Variants in DLC1 observed in about 807,000 individuals in gnomAD.
The protein encoded by DLC1 is rho GTPase-activating protein 7.
Under a neutral mutation model 140.3 loss-of-function variants are expected in DLC1, and 54 were observed. That is an observed-to-expected ratio of 0.38 (90% CI 0.31 to 0.48). The LOEUF (loss-of-function observed/expected upper bound fraction) is 0.48, where lower values mean the gene tolerates loss of function less well. Among genes scored for constraint, DLC1 ranks in the 20% least tolerant of loss-of-function variants. DLC1 has a pLI of 0.96. For missense variants in DLC1, 2,536 were observed against 1,907.0 expected (o/e 1.33, Z -6.14); for synonymous variants, 986 against 728.1 (o/e 1.35, Z -5.70).
At chr8:13,593,838 T>C (rs1383967397) in intron 1 of DLC1, among the ~76,000 whole-genome samples, 1 of 152,106 alleles carries the variant, frequency 6.6e-6, no homozygotes, top group East Asian at 1.9e-4. Context: ...GGGCAAAGAT[T>C]TCATCTATGT....
intron 4 of DLC1, among the ~76,000 whole-genome samples, chr8:13,333,208 A>G (rs1259395180): frequency 6.6e-6 from 1 of 152,140 alleles, no homozygotes; most frequent in African/African-American, 2.4e-5. Flanking sequence ...TGAGATACAG[A>G]ATAAAAATTG....
intron 2 of DLC1, among the ~76,000 whole-genome samples, chr8:13,402,531 T>G (rs12679138): frequency 1.3e-5 from 2 of 151,994 alleles, no homozygotes; most frequent in East Asian, 1.9e-4. Context: ...ACATGCAGTG[T>G]TGGCTCTTTT....
At chr8:13,393,132 C>T (rs1427004217) in intron 4 of DLC1, among the ~76,000 whole-genome samples, 1 of 152,108 alleles carries the variant, frequency 6.6e-6, no homozygotes. Context: ...ATCAGTCTAT[C>T]TGTCCATCCA....
In DLC1 at chr8:13,382,623, C is replaced by G. The variant is rs146342733; in HGVS notation, c.1314+10930G>C. ...AAAATAAAACTTTGTTTCTTCACAG[C>G]CTTTCTAGACAGCAAATGATACTAC... On this transcript the variant is annotated intron_variant, in intron 4 of 17. Coordinates refer to ENST00000276297, the MANE Select transcript of DLC1 (RefSeq NM_182643.3). Among the ~76,000 whole-genome samples the G allele has an allele frequency of 1.1e-3, 161 of 151,628 alleles. 1 individual carries two copies. Among genetic ancestry groups the G allele is most frequent in the Non-Finnish European group, 1.5e-3 (102 of 67,938 alleles).
At chr8:13,086,076 G>C (rs1817531781) in intron 17 of DLC1, 145 bp from the exon 18 acceptor site, 1 of 1,407,038 alleles carries the variant, frequency 7.1e-7, no homozygotes, top group Non-Finnish European at 9.4e-7. Context: ...TACCATATTT[G>C]CTTTGCTTTA....
chr8:13,315,487 A>G (rs1395994000), intron 4 of DLC1, among the ~76,000 whole-genome samples: 1 of 152,224 alleles, frequency 6.6e-6, no homozygotes, highest in Non-Finnish European at 1.5e-5. Context: ...ATCTATCTAT[A>G]AAATGTAAGA....
intron 10 of DLC1, among the ~76,000 whole-genome samples, chr8:13,098,101 C>A (rs1162423103): frequency 6.8e-6 from 1 of 146,862 alleles, no homozygotes; most frequent in East Asian, 2.1e-4. Context: ...CCCACCTACT[C>A]AGGAGTCCAG....
chr8:13,261,865 T>C (rs1192805289), intron 5 of DLC1, among the ~76,000 whole-genome samples: 2 of 152,232 alleles, frequency 1.3e-5, no homozygotes, highest in African/African-American at 2.4e-5. Flanking sequence ...TTTCAGCATT[T>C]GTAAAACAAG....
At chr8:13,579,194 C>G (rs975561025) in intron 1 of DLC1, among the ~76,000 whole-genome samples, 5 of 132,174 alleles carry the variant, frequency 3.8e-5, no homozygotes, top group Admixed American at 8.1e-5. Flanking sequence ...AAAGAGTCTC[C>G]TAGCACCGCC....
At chr8:13,404,047 GT>G (rs1331582225) in intron 2 of DLC1, among the ~76,000 whole-genome samples, 7 of 151,834 alleles carry the variant, frequency 4.6e-5, no homozygotes, top group Non-Finnish European at 1.0e-4. Context: ...ATTTTTTCTA[GT>G]TTTGGTCTTG....
At chr8:13,530,153 C>G (rs758829599) in intron 1 of DLC1, among the ~76,000 whole-genome samples, 1 of 152,036 alleles carries the variant, frequency 6.6e-6, no homozygotes, top group Non-Finnish European at 1.5e-5. Context: ...AGGCAAAAGT[C>G]AAAAATGAGG....
chr8:13,323,808 C>A (rs954473271), intron 4 of DLC1, among the ~76,000 whole-genome samples: 10 of 152,130 alleles, frequency 6.6e-5, no homozygotes, highest in Non-Finnish European at 1.3e-4. Context: ...ATAAAGGAGG[C>A]ATTTTGTTAA....
intron 5 of DLC1, among the ~76,000 whole-genome samples, chr8:13,137,322 G>C (rs1259954122): frequency 1.3e-5 from 2 of 152,144 alleles, no homozygotes; most frequent in African/African-American, 4.8e-5. Context: ...GGATTTTTTA[G>C]CTGAGCTGCA....
At position 13,132,128 on chromosome 8, in the gene DLC1, G is replaced by T. The variant is rs577874207; in HGVS notation, c.1349-16471C>A. On this transcript the variant is annotated intron_variant, in intron 5 of 17. Coordinates refer to ENST00000276297, the MANE Select transcript of DLC1 (RefSeq NM_182643.3). ...CTCGCTCCTCGGCCTCCTTGTCCGG[G>T]TCAAGGGGGTGGGCATCCCCAAGGG... is the stretch of plus-strand genomic sequence containing the variant. Among the ~76,000 whole-genome samples the T allele has an allele frequency of 1.6e-3, 249 of 152,188 alleles. 1 individual carries two copies. The highest frequency in any genetic ancestry group is 5.5e-3 in the African/African-American group (228 of 41,500).
intron 5 of DLC1, among the ~76,000 whole-genome samples, chr8:13,120,356 A>AT (rs1554577889): frequency 0.024 from 1,438 of 61,146 alleles, 57 homozygotes; most frequent in African/African-American, 0.055. Context: ...AAAAAAAAAA[A>AT]ATATATATAT....
intron 5 of DLC1, among the ~76,000 whole-genome samples, chr8:13,245,234 C>T (rs1563194256): frequency 6.6e-6 from 1 of 152,166 alleles, no homozygotes; most frequent in Non-Finnish European, 1.5e-5. Flanking sequence ...CGTTGAGGCC[C>T]CACTGGGGTG....
intron 5 of DLC1, among the ~76,000 whole-genome samples, chr8:13,146,477 G>A (rs962835769): frequency 7.9e-5 from 12 of 151,684 alleles, no homozygotes; most frequent in African/African-American, 2.7e-4. Context: ...TAAGTTATTA[G>A]AAATAATCAC....
At chr8:13,535,315 T>C (rs941616106) in intron 1 of DLC1, among the ~76,000 whole-genome samples, 2 of 152,088 alleles carry the variant, frequency 1.3e-5, no homozygotes, top group Non-Finnish European at 2.9e-5. Context: ...AACATTTGAA[T>C]GTAAGTGTGG....
intron 3 of DLC1, among the ~76,000 whole-genome samples, chr8:13,394,734 C>T (rs1401427900): frequency 2.0e-5 from 3 of 152,182 alleles, no homozygotes; most frequent in Non-Finnish European, 2.9e-5. Context: ...CTTTGCCATT[C>T]TCTTGTTTCT....
Sources: gnomAD v4.1 joint callset for allele counts (sites outside exome capture counted in the v4.1 genomes callset) on GRCh38, gnomAD v4.1.1 for gene constraint, MANE v1.5 for transcripts, NCBI Gene and HGNC (gene_info 2026-07-23, HGNC 2026-07-21) for gene names.